The following C12orf42 variants were observed in gnomAD, a reference collection of about 807,000 sequenced individuals.
The protein encoded by C12orf42 is chromosome 12 open reading frame 42.
Under a neutral mutation model 21.6 loss-of-function variants are expected in C12orf42, and 25 were observed. The ratio of observed to expected loss-of-function variants is 1.16; its 90% CI spans 0.84 to 1.62. The LOEUF (loss-of-function observed/expected upper bound fraction) is 1.62. Among genes scored for constraint, C12orf42 ranks in the 40% most tolerant of loss-of-function variants. The pLI is 0.00. For missense variants in C12orf42, 483 were observed against 459.3 expected (o/e 1.05, Z -0.47); for synonymous variants, 174 against 175.0 (o/e 0.99, Z 0.05).
At chr12:103,074,468 A>C in the C12orf42 span, among the ~76,000 whole-genome samples, 3 of 152,244 alleles carry the variant, frequency 2.0e-5, no homozygotes, top group East Asian at 5.8e-4. Context: ...TCCAAATATT[A>C]TCAAACAGAA....
chr12:103,313,284 A>G (rs1157583443), intron 4 of C12orf42, among the ~76,000 whole-genome samples: 1 of 152,262 alleles, frequency 6.6e-6, no homozygotes, highest in Non-Finnish European at 1.5e-5. Context: ...GTTAGGCTTT[A>G]AAAAGTATTC....
At chr12:103,266,317 C>A (rs984589871), downstream of C12orf42, among the ~76,000 whole-genome samples, 5 of 152,196 alleles carry the variant, frequency 3.3e-5, no homozygotes, top group East Asian at 1.9e-4. Context: ...ATATCTGTAT[C>A]TTTATTTTAG....
intron 2 of C12orf42, among the ~76,000 whole-genome samples, chr12:103,442,293 C>T (rs1363839839): frequency 6.6e-6 from 1 of 152,074 alleles, no homozygotes; most frequent in Admixed American, 6.6e-5. Context: ...AAGCAAGGAG[C>T]GATACGATTG....
chr12:103,417,950 C>CT, intron 2 of C12orf42, among the ~76,000 whole-genome samples: 1 of 152,342 alleles, frequency 6.6e-6, no homozygotes, highest in South Asian at 2.1e-4. Flanking sequence ...CTGAAGAATT[C>CT]TGGCAAAGAA....
intron 4 of C12orf42, among the ~76,000 whole-genome samples, chr12:103,292,424 TA>T (rs2136373666): frequency 6.6e-6 from 1 of 152,126 alleles, no homozygotes; most frequent in Non-Finnish European, 1.5e-5. Flanking sequence ...AATAAATAAT[TA>T]AAAGTAACCA....
intron 2 of C12orf42, among the ~76,000 whole-genome samples, chr12:103,437,941 G>C (rs895569195): frequency 6.7e-6 from 1 of 148,588 alleles, no homozygotes; most frequent in African/African-American, 2.5e-5. Flanking sequence ...AAGCCTGGCA[G>C]AGACACAACA....
chr12:103,073,790 T>C, the C12orf42 span, among the ~76,000 whole-genome samples: 6 of 152,308 alleles, frequency 3.9e-5, no homozygotes, highest in South Asian at 1.0e-3. Flanking sequence ...GAAAGGAATT[T>C]ATGTTAATTG....
intron 3 of C12orf42, among the ~76,000 whole-genome samples, chr12:103,387,880 G>C (rs918574243): frequency 6.6e-6 from 1 of 152,122 alleles, no homozygotes; most frequent in Non-Finnish European, 1.5e-5. Context: ...TTTTCTAACT[G>C]ATATTCCCTT....
At chr12:103,311,391 T>C (rs2038959853) in intron 4 of C12orf42, among the ~76,000 whole-genome samples, 3 of 151,906 alleles carry the variant, frequency 2.0e-5, no homozygotes. Flanking sequence ...AAGACTAAGT[T>C]GATCAGCTGA....
At chr12:103,440,019 T>C (rs377156307) in intron 2 of C12orf42, among the ~76,000 whole-genome samples, 7 of 147,962 alleles carry the variant, frequency 4.7e-5, no homozygotes, top group Middle Eastern at 3.5e-3. Flanking sequence ...AAATGTCCAA[T>C]AATGATAGAC....
chr12:103,325,555 G>T (rs2040598817), intron 4 of C12orf42, among the ~76,000 whole-genome samples: 1 of 152,218 alleles, frequency 6.6e-6, no homozygotes, highest in Non-Finnish European at 1.5e-5. Context: ...CCATACTAAG[G>T]TTGAAGGTCA....
In C12orf42 at chr12:103,482,490, T is replaced by C. The variant is rs368650888; in HGVS notation, c.-21-4043A>G. Among the ~76,000 whole-genome samples the C allele has an allele frequency of 4.7e-4, 71 of 152,266 alleles. 1 individual carries two copies. In the South Asian group the frequency reaches 0.012, roughly 25 times the overall value. On this transcript the variant is annotated intron_variant, in intron 1 of 5. Transcript: ENST00000548883. Reference sequence around the variant, plus strand: ...GCATTTTGCTTTATTTTGTTTTGTTTCTAGTCTTCTCGCTTGTCCCTTCTG... The same window carrying C: ...GCATTTTGCTTTATTTTGTTTTGTTCCTAGTCTTCTCGCTTGTCCCTTCTG...
the C12orf42 span, among the ~76,000 whole-genome samples, chr12:103,139,793 G>A: frequency 1.4e-4 from 22 of 152,296 alleles, no homozygotes; most frequent in East Asian, 4.1e-3. Flanking sequence ...CATATGCAGT[G>A]CTTGCAGGTT....
chr12:103,364,953 A>G (rs1449311937), intron 4 of C12orf42, among the ~76,000 whole-genome samples: 1 of 152,108 alleles, frequency 6.6e-6, no homozygotes, highest in Non-Finnish European at 1.5e-5. Flanking sequence ...AGATACAGAA[A>G]GAGGGAATCC....
intron 2 of C12orf42, 93 bp downstream of exon 2, chr12:103,478,256 G>A (rs1167567340): frequency 1.3e-6 from 1 of 741,248 alleles, no homozygotes; most frequent in African/African-American, 1.8e-5. Flanking sequence ...TAATATCAAT[G>A]ACACTGAATC....
Position 103,329,111 on chromosome 12 carries a change from G to A in C12orf42, c.260-22766C>T, listed in dbSNP as rs142734107. ...GACGCAGGCATGCATTCAGAGCTAT[G>A]GCAGGGACGCAGGCATGCATTCAGA... is the stretch of plus-strand genomic sequence containing the variant. On this transcript the variant is annotated intron_variant, in intron 4 of 5. Coordinates refer to ENST00000548883, the MANE Select transcript of C12orf42 (RefSeq NM_198521.5). Among the ~76,000 whole-genome samples, 272 of 151,210 alleles carry A rather than the reference G, an allele frequency of 1.8e-3. 1 individual carries two copies. Among genetic ancestry groups the A allele is most frequent in the African/African-American group, 6.1e-3 (254 of 41,370 alleles).
chr12:103,227,810 T>C, the C12orf42 span, among the ~76,000 whole-genome samples: 1 of 151,964 alleles, frequency 6.6e-6, no homozygotes, highest in Non-Finnish European at 1.5e-5. Flanking sequence ...GAGTTTTGGG[T>C]CCACGGATAA....
the C12orf42 span, among the ~76,000 whole-genome samples, chr12:103,086,345 G>A: frequency 1.3e-5 from 2 of 151,288 alleles, no homozygotes; most frequent in East Asian, 3.9e-4. Context: ...TCATTAAAAT[G>A]TATTTAATAT....
intron 2 of C12orf42, among the ~76,000 whole-genome samples, chr12:103,413,829 TGAG>T (rs2049060670): frequency 6.6e-6 from 1 of 152,222 alleles, no homozygotes; most frequent in African/African-American, 2.4e-5. Flanking sequence ...TTTTTATGGC[TGAG>T]TAGTATTCCA....
Sources: gnomAD v4.1 joint callset for allele counts (sites outside exome capture counted in the v4.1 genomes callset) on GRCh38, gnomAD v4.1.1 for gene constraint, MANE v1.5 for transcripts, NCBI Gene and HGNC (gene_info 2026-07-23, HGNC 2026-07-21) for gene names.